Variants in SLC6A19 observed in about 807,000 individuals in gnomAD.
SLC6A19 encodes the protein solute carrier family 6 member 19, also known as sodium-dependent neutral amino acid transporter B(0)AT1.
SLC6A19 carries 67 observed loss-of-function variants against 68.3 expected under a neutral mutation model. The observed-to-expected ratio is 0.98, with a 90% confidence interval of 0.81 to 1.20. The LOEUF (loss-of-function observed/expected upper bound fraction) is 1.20. Among genes scored for constraint, SLC6A19 ranks in the 50% most tolerant of loss-of-function variants. The probability of loss-of-function intolerance (pLI) is 0.00; values close to 1 mark genes in which losing one functional copy is unlikely to be tolerated. For synonymous variants in SLC6A19, 392 were observed against 374.9 expected (o/e 1.05, Z -0.53); for missense variants, 813 against 851.6 (o/e 0.95, Z 0.56).
chr5:1,202,703 A>C (rs1032659955), intron 1 of SLC6A19, among the ~76,000 whole-genome samples: 1 of 151,980 alleles, frequency 6.6e-6, no homozygotes, highest in African/African-American at 2.4e-5. Context: ...GGGGCCGTGA[A>C]GGTCTCAGCC....
In SLC6A19 at chr5:1,219,046, CGTT is replaced by C. The variant is rs1561168827; in HGVS notation, c.1320_1322del (p.Val441del). The C allele has an allele frequency of 2.5e-6, 4 of 1,614,032 alleles. No homozygotes were observed. The highest frequency in any genetic ancestry group is 1.1e-5 in the South Asian group (1 of 91,084). On this transcript the variant is annotated inframe_deletion, in exon 9 of 12. Transcript: ENST00000304460. ...CTATGTTTGGGAACATGGAGGGCGTCGTTGTGCCCCTGCAGGACCTCAGAGTCA... is the reference window on the plus strand; with the variant it reads ...CTATGTTTGGGAACATGGAGGGCGTCGTGCCCCTGCAGGACCTCAGAGTCA...
rs771001961 is a variant in SLC6A19, at chr5:1,207,271, C to A, written c.203-1475C>A. ...CGCCCTCTGCCGAGCACCTTGGGCA[C>A]CGTCATGATGCCCAGGAGTGGCTGC... On this transcript the variant is annotated intron_variant, in intron 1 of 11. Transcript: ENST00000304460. Among the ~76,000 whole-genome samples the A allele has an allele frequency of 5.9e-5, 9 of 152,300 alleles. No individual in the cohort carries two copies. In the South Asian group the frequency reaches 1.2e-3, roughly 21 times the overall value.
Position 1,201,687 on chromosome 5 carries a change from G to GC in SLC6A19, c.40dup (p.Arg14ProfsTer7). On this transcript the variant is annotated frameshift_variant, in exon 1 of 12. Coordinates refer to ENST00000304460, the MANE Select transcript of SLC6A19 (RefSeq NM_001003841.3). LOFTEE classifies it high-confidence loss of function. ...CGTGCTGCCCAACCCCGGCCTAGACGCCCGGATCCCGTCCCTGGCTGAGCT... is the reference window on the plus strand; with the variant it reads ...CGTGCTGCCCAACCCCGGCCTAGACGCCCCGGATCCCGTCCCTGGCTGAGCT... The GC allele has an allele frequency of 6.2e-7, 1 of 1,610,254 alleles. No homozygotes were observed. Among genetic ancestry groups the GC allele is most frequent in the Non-Finnish European group, 8.5e-7 (1 of 1,179,766 alleles).
chr5:1,210,416 C>G (rs1161910235), intron 2 of SLC6A19, 28 bp from the exon 3 acceptor site: 2 of 1,611,568 alleles, frequency 1.2e-6, no homozygotes, highest in Middle Eastern at 1.6e-4. Flanking sequence ...TGCCTCGGCC[C>G]CAAGCCTCAG....
rs1746476619 is a variant in SLC6A19, at chr5:1,224,065, C to T, written c.*2161C>T. On this transcript the variant is annotated 3_prime_UTR_variant, in exon 12 of 12. Coordinates refer to ENST00000304460, the MANE Select transcript of SLC6A19 (RefSeq NM_001003841.3). ...ACCTCATCTTTTCCTGCTCTTTGGC[C>T]CTGGATCGAGAAAATTTCCATCAGT... 6.6e-6 allele frequency: 1 copy of T among 152,264 alleles called. No homozygotes were observed. The highest frequency in any genetic ancestry group is 1.5e-5 in the Non-Finnish European group (1 of 68,066). The allele number at this position is 152,264 out of a possible 1,614,324, so 9.4% of individuals were successfully genotyped here.
rs371351573 is a variant in SLC6A19 at position 1,222,690 on chromosome 5, G to GACACATATGGAC, written c.*801_*812dup. On this transcript the variant is annotated 3_prime_UTR_variant, in exon 12 of 12. Coordinates refer to ENST00000304460, the MANE Select transcript of SLC6A19 (RefSeq NM_001003841.3). ...ATGGACACGCATGGACACGCATATG[G>GACACATATGGAC]ACACATATGGACACACATATGGACA... The GACACATATGGAC allele has an allele frequency of 5.6e-6, 1 of 178,916 alleles. No individual in the cohort carries two copies. The highest frequency in any genetic ancestry group is 2.4e-5 in the African/African-American group (1 of 42,434). The allele number at this position is 178,916 out of a possible 1,614,324, so 11.1% of individuals were successfully genotyped here.
chr5:1,202,784 G>C (rs1018372144), intron 1 of SLC6A19, among the ~76,000 whole-genome samples: 1 of 152,202 alleles, frequency 6.6e-6, no homozygotes, highest in African/African-American at 2.4e-5. Flanking sequence ...TCTCTCACGC[G>C]GGCTTTGTGA....
In SLC6A19 at chr5:1,221,391, C is replaced by T. The variant is rs372526858; in HGVS notation, c.1701+78C>T. On this transcript the variant is annotated intron_variant, in intron 11 of 11. Transcript: ENST00000304460. ...GGAGGACACTCATCCACACACATGG[C>T]GCATGCACACACAATACACACACCC... The T allele has an allele frequency of 3.4e-4, 529 of 1,545,034 alleles. 4 individuals carry two copies. The highest frequency in any genetic ancestry group is 3.4e-3 in the South Asian group (301 of 89,174).
intron 3 of SLC6A19, 78 bp downstream of exon 3, chr5:1,210,659 A>C (rs1298265696): frequency 2.9e-5 from 46 of 1,595,924 alleles, no homozygotes; most frequent in Admixed American, 6.8e-5. Flanking sequence ...TGGCCTCAGG[A>C]AACTCAGGTC....
At position 1,222,419 on chromosome 5, in the gene SLC6A19, A is replaced by T. The variant is rs1025358190; in HGVS notation, c.*515A>T. 2.2e-6 allele frequency: 1 copy of T among 447,014 alleles called. No homozygotes were observed. Among genetic ancestry groups the T allele is most frequent in the Non-Finnish European group, 3.9e-6 (1 of 255,384 alleles). 27.7% of individuals were successfully genotyped at this position (447,014 alleles called of 1,614,324 possible). ...TATGTATATCTGTGAGTGTATATAC[A>T]TGCATGCAATTGTGTGTATGTGTGT... On this transcript the variant is annotated 3_prime_UTR_variant, in exon 12 of 12. Transcript: ENST00000304460.
chr5:1,202,453 G>A (rs1267604953), intron 1 of SLC6A19, among the ~76,000 whole-genome samples: 1 of 152,220 alleles, frequency 6.6e-6, no homozygotes, highest in Non-Finnish European at 1.5e-5. Context: ...GGTAGGCATG[G>A]CCGCTGCTGG....
intron 9 of SLC6A19, 48 bp downstream of exon 9, chr5:1,219,155 G>C (rs986065202): frequency 1.3e-6 from 2 of 1,550,836 alleles, no homozygotes; most frequent in African/African-American, 2.7e-5. Context: ...TGCCACCTGT[G>C]GGATGGCAGC....
chr5:1,221,470 G>A (rs1306505542), intron 11 of SLC6A19, among the ~76,000 whole-genome samples, 157 bp downstream of exon 11: 2 of 152,080 alleles, frequency 1.3e-5, no homozygotes, highest in African/African-American at 4.8e-5. Context: ...ACCACCCCAC[G>A]CATCTTGCTG....
intron 3 of SLC6A19, among the ~76,000 whole-genome samples, chr5:1,211,452 C>T (rs1746026468): frequency 6.6e-6 from 1 of 152,246 alleles, no homozygotes; most frequent in African/African-American, 2.4e-5. Context: ...GCCAGACTTG[C>T]ACAGGGAAGA....
chr5:1,204,977 G>A, intron 1 of SLC6A19, among the ~76,000 whole-genome samples: 1 of 152,164 alleles, frequency 6.6e-6, no homozygotes. Flanking sequence ...CTCTCTCCTG[G>A]TTTCCTACTT....
chr5:1,208,840 C>G lies in SLC6A19; in HGVS notation c.297C>G (p.Gly99=). The change falls in exon 2 of 12, where the codon GGC becomes GGG. Residue 99 remains glycine, a synonymous_variant. Coordinates refer to ENST00000304460, the MANE Select transcript of SLC6A19 (RefSeq NM_001003841.3). ...EFAIGQRLRR[G]SLGVWSSIHP... Reference sequence around the variant, plus strand: ...CCATCGGGCAGCGGCTGCGGCGGGGCAGCCTGGGTGTGTGGAGCTCCATCC... The same window carrying G: ...CCATCGGGCAGCGGCTGCGGCGGGGGAGCCTGGGTGTGTGGAGCTCCATCC... 1 of 1,612,906 alleles carries G rather than the reference C, an allele frequency of 6.2e-7. No homozygotes were observed. The highest frequency in any genetic ancestry group is 1.1e-5 in the South Asian group (1 of 91,078).
intron 1 of SLC6A19, among the ~76,000 whole-genome samples, chr5:1,206,693 G>A (rs1402256259): frequency 1.3e-5 from 2 of 152,152 alleles, no homozygotes; most frequent in African/African-American, 4.8e-5. Flanking sequence ...GGAGGGTGCA[G>A]GCAGGCGGGT....
At position 1,208,897 on chromosome 5, in the gene SLC6A19, C is replaced by G; in HGVS notation, c.343+11C>G. The G allele has an allele frequency of 6.2e-7, 1 of 1,609,890 alleles. No individual in the cohort carries two copies. The highest frequency in any genetic ancestry group is 8.5e-7 in the Non-Finnish European group (1 of 1,179,086). On this transcript the variant is annotated intron_variant, in intron 2 of 11. Transcript: ENST00000304460. ...CCCTGAAGGGCCTAGGTGAGTGCCT[C>G]GGAGCAGTTCCACCCGGGCCCAGGG...
Position 1,216,979 on chromosome 5 carries a change from G to A in SLC6A19, c.1173+34G>A, listed in dbSNP as rs775311930. On this transcript the variant is annotated intron_variant, in intron 8 of 11. Transcript: ENST00000304460. ...ATTCCGGAGCTCGAGGCAGGGAGAGGGCACCCCTTGCTGGCACCTCAGAGT... is the reference window on the plus strand; with the variant it reads ...ATTCCGGAGCTCGAGGCAGGGAGAGAGCACCCCTTGCTGGCACCTCAGAGT... 1.3e-5 allele frequency: 21 copies of A among 1,610,642 alleles called. No homozygotes were observed. In the South Asian group the frequency reaches 2.1e-4, roughly 16 times the overall value.
Sources: gnomAD v4.1 joint callset for allele counts (sites outside exome capture counted in the v4.1 genomes callset) on GRCh38, gnomAD v4.1.1 for gene constraint, MANE v1.5 for transcripts, NCBI Gene and HGNC (gene_info 2026-07-23, HGNC 2026-07-21) for gene names.